The following AKAP6 variants were observed in gnomAD, a reference collection of about 807,000 sequenced individuals.
The protein encoded by AKAP6 is A-kinase anchor protein 6.
AKAP6 carries 58 observed loss-of-function variants against 188.5 expected under a neutral mutation model. The observed-to-expected ratio is 0.31, with a 90% CI of 0.25 to 0.38. AKAP6 has a LOEUF of 0.38. AKAP6 is among the 10% of genes least tolerant of loss of function. AKAP6 has a pLI of 1.00. For synonymous variants in AKAP6, 989 were observed against 998.6 expected, an observed-to-expected ratio of 0.99 and a Z score of 0.18; for missense variants, 2,710 against 2,740.0, an observed-to-expected ratio of 0.99 and a Z score of 0.24.
intron 1 of AKAP6, among the ~76,000 whole-genome samples, chr14:32,347,383 T>C (rs1887104233): frequency 6.6e-6 from 1 of 152,242 alleles, no homozygotes; most frequent in Non-Finnish European, 1.5e-5. Flanking sequence ...GGTTATTGAC[T>C]GAAGTAGGAG....
intron 12 of AKAP6, among the ~76,000 whole-genome samples, chr14:32,784,362 T>C (rs2033340630): frequency 6.6e-6 from 1 of 152,196 alleles, no homozygotes; most frequent in Non-Finnish European, 1.5e-5. Context: ...ATACCACAAA[T>C]CAAATTTCTC....
At chr14:32,665,679 T>TA (rs1888904522) in intron 7 of AKAP6, among the ~76,000 whole-genome samples, 1 of 152,038 alleles carries the variant, frequency 6.6e-6, no homozygotes, top group African/African-American at 2.4e-5. Context: ...AGGCGAACAT[T>TA]AGAGTCCTGC....
chr14:32,433,411 T>C (rs1264272572), intron 1 of AKAP6, 49 bp from the exon 2 acceptor site: 1 of 1,225,310 alleles, frequency 8.2e-7, no homozygotes, highest in Non-Finnish European at 1.1e-6. Context: ...ATTTCTTTAT[T>C]TGGCAATCTT....
intron 7 of AKAP6, among the ~76,000 whole-genome samples, chr14:32,641,094 C>T (rs1887734378): frequency 6.6e-6 from 1 of 151,988 alleles, no homozygotes; most frequent in African/African-American, 2.4e-5. Flanking sequence ...CTTCTACTCT[C>T]TGGAAGGTCG....
chr14:32,619,187 A>G (rs917872512), intron 7 of AKAP6, among the ~76,000 whole-genome samples: 2 of 152,050 alleles, frequency 1.3e-5, no homozygotes, highest in African/African-American at 4.8e-5. Context: ...TAGTTTAATT[A>G]GGTTCCATTT....
rs1555335138 is a variant in AKAP6, at chr14:32,510,414, G to GTATATATATGTGTATA, written c.325-25131_325-25130insGTGTATATATATATAT. Among the ~76,000 whole-genome samples the GTATATATATGTGTATA allele has an allele frequency of 1.4e-4, 16 of 112,320 alleles. 1 individual carries two copies. The highest frequency in any genetic ancestry group is 5.4e-4 in the African/African-American group (14 of 25,980). The allele number at this position is 112,320 out of a possible 152,430, so 73.7% of individuals were successfully genotyped here. A position where few individuals can be genotyped will look rare whatever the true frequency, so the allele number is the denominator to read the frequency against. On this transcript the variant is annotated intron_variant, in intron 2 of 13. Transcript: ENST00000280979. ...TATGTGTATATATATGTATATATAT[G>GTATATATATGTGTATA]TATATATATACATATATATATGTGT...
At chr14:32,349,684 C>A (rs1887197541) in intron 1 of AKAP6, among the ~76,000 whole-genome samples, 1 of 152,172 alleles carries the variant, frequency 6.6e-6, no homozygotes, top group Non-Finnish European at 1.5e-5. Context: ...GCTCGATATA[C>A]ACTAACTCGA....
Position 32,346,563 on chromosome 14 carries a change from C to T in AKAP6, c.-35+17155C>T, listed in dbSNP as rs376990548. ...TCGCTCTTTCACCCAGGCCGAACTG[C>T]GGTGGTGCTATCTTGGCTCACTGAA... On this transcript the variant is annotated intron_variant, in intron 1 of 13. Transcript: ENST00000280979. 9.2e-5 allele frequency among the ~76,000 whole-genome samples: 14 copies of T among 152,160 alleles called. No homozygotes were observed. The East Asian group carries it at 1.3e-3, about 15-fold the overall frequency.
At chr14:32,774,481 A>G (rs1410738674) in intron 12 of AKAP6, among the ~76,000 whole-genome samples, 3 of 152,198 alleles carry the variant, frequency 2.0e-5, no homozygotes, top group African/African-American at 7.2e-5. Context: ...TAGAGTTTTA[A>G]TGCAGTGCTC....
intron 1 of AKAP6, among the ~76,000 whole-genome samples, chr14:32,384,856 A>T (rs1888477828): frequency 6.6e-6 from 1 of 152,174 alleles, no homozygotes. Flanking sequence ...GGGAGAGATT[A>T]AAATGGGGTC....
At position 32,767,811 on chromosome 14, in the gene AKAP6, T is replaced by C. The variant is rs79248909; in HGVS notation, c.3373-5867T>C. On this transcript the variant is annotated intron_variant, in intron 11 of 13. Coordinates refer to ENST00000280979, the MANE Select transcript of AKAP6 (RefSeq NM_004274.5). ...TTTTTATTCTCAAACTCAGTGCCCATAGTTTAGCATATATATCAATCACAC... is the reference window on the plus strand; with the variant it reads ...TTTTTATTCTCAAACTCAGTGCCCACAGTTTAGCATATATATCAATCACAC... Among the ~76,000 whole-genome samples, 24 of 152,264 alleles carry C rather than the reference T, an allele frequency of 1.6e-4. No individual in the cohort carries two copies. In the East Asian group the frequency reaches 3.5e-3, roughly 22 times the overall value.
intron 2 of AKAP6, among the ~76,000 whole-genome samples, chr14:32,480,310 T>C (rs1426584952): frequency 6.6e-6 from 1 of 152,112 alleles, no homozygotes; most frequent in Non-Finnish European, 1.5e-5. Flanking sequence ...AGGAAAAAAA[T>C]TCACAATTGA....
chr14:32,451,770 A>G (rs543853113), intron 2 of AKAP6, among the ~76,000 whole-genome samples: 1 of 152,216 alleles, frequency 6.6e-6, no homozygotes, highest in South Asian at 2.1e-4. Context: ...ATGAAATAAA[A>G]CTGAAAAAAA....
intron 9 of AKAP6, among the ~76,000 whole-genome samples, chr14:32,710,504 A>G (rs980297350): frequency 6.6e-6 from 1 of 152,078 alleles, no homozygotes; most frequent in Non-Finnish European, 1.5e-5. Flanking sequence ...TCAAGGGAAC[A>G]TGAGGTGGAG....
chr14:32,583,375 C>T (rs571184100), intron 5 of AKAP6, among the ~76,000 whole-genome samples: 5 of 152,246 alleles, frequency 3.3e-5, no homozygotes, highest in African/African-American at 7.2e-5. Flanking sequence ...AGTACCCGGC[C>T]GTGTGAGGTG....
chr14:32,492,162 A>T (rs891315549), intron 2 of AKAP6, among the ~76,000 whole-genome samples: 1 of 151,732 alleles, frequency 6.6e-6, no homozygotes, highest in Non-Finnish European at 1.5e-5. Flanking sequence ...TCCTCCTTGC[A>T]TGCTTTCTCC....
intron 5 of AKAP6, among the ~76,000 whole-genome samples, chr14:32,589,864 C>T (rs1885414645): frequency 6.6e-6 from 1 of 152,136 alleles, no homozygotes. Flanking sequence ...TATGAGGCTC[C>T]ATGCACAGGC....
chr14:32,445,366 G>T (rs1282567750), intron 2 of AKAP6, among the ~76,000 whole-genome samples: 1 of 151,728 alleles, frequency 6.6e-6, no homozygotes, highest in African/African-American at 2.4e-5. Flanking sequence ...CCTTTTGTGG[G>T]TTTCCGGTTC....
intron 7 of AKAP6, among the ~76,000 whole-genome samples, chr14:32,675,806 G>A (rs1486826114): frequency 6.6e-6 from 1 of 152,174 alleles, no homozygotes. Flanking sequence ...TATTTTTCGA[G>A]TTACTCTCAG....
Sources: allele counts gnomAD v4.1 joint callset (sites outside exome capture counted in the v4.1 genomes callset), GRCh38; gene constraint gnomAD v4.1.1; transcripts MANE v1.5; gene names NCBI Gene and HGNC (gene_info 2026-07-23, HGNC 2026-07-21).